Variants in PKD1L1 observed in about 807,000 individuals in gnomAD.
The protein encoded by PKD1L1 is polycystin 1 like 1, transient receptor potential channel interacting.
PKD1L1 carries 236 observed loss-of-function variants against 323.4 expected under a neutral mutation model. The ratio of observed to expected loss-of-function variants is 0.73; its 90% CI spans 0.66 to 0.81. The LOEUF is 0.81. PKD1L1 is among the 40% of genes least tolerant of loss of function. The pLI, the probability that PKD1L1 is intolerant of heterozygous loss-of-function variation, is 0.00. For missense variants in PKD1L1, 3,320 were observed against 3,508.0 expected (o/e 0.95, Z 1.35); for synonymous variants, 1,344 against 1,335.0 (o/e 1.01, Z -0.15).
intron 42 of PKD1L1, 58 bp from the exon 43 acceptor site, chr7:47,830,182 G>A: frequency 7.0e-7 from 1 of 1,431,048 alleles, no homozygotes; most frequent in South Asian, 1.2e-5. Context: ...CCACCCAGCA[G>A]TCATTGCTGC....
Position 47,795,853 on chromosome 7 carries a change from T to C in PKD1L1, c.8355+136A>G. The C allele has an allele frequency of 3.9e-6, 4 of 1,029,372 alleles. No individual in the cohort carries two copies. In the South Asian group the frequency reaches 5.8e-5, roughly 15 times the overall value. 63.8% of individuals were successfully genotyped at this position (1,029,372 alleles called of 1,614,324 possible). On this transcript the variant is annotated intron_variant, in intron 55 of 56. Coordinates refer to ENST00000289672, the MANE Select transcript of PKD1L1 (RefSeq NM_138295.5). ...CCATGAGTTCCACTATGATTGAGAC[T>C]AATTTTGTGGCTTTGCAAGGAGATT...
intron 31 of PKD1L1, among the ~76,000 whole-genome samples, chr7:47,847,392 G>A (rs922632515): frequency 5.9e-5 from 9 of 152,160 alleles, no homozygotes; most frequent in African/African-American, 2.2e-4. Flanking sequence ...TGACCTTAGT[G>A]GGGATGGAAG....
intron 18 of PKD1L1, among the ~76,000 whole-genome samples, chr7:47,884,954 C>T (rs1409152635): frequency 2.6e-5 from 4 of 152,176 alleles, no homozygotes; most frequent in Non-Finnish European, 5.9e-5. Context: ...TGGGTCTCTG[C>T]CACCACACCC....
chr7:47,792,468 C>A (rs1192953615), intron 56 of PKD1L1, among the ~76,000 whole-genome samples, 159 bp downstream of exon 56: 1 of 152,120 alleles, frequency 6.6e-6, no homozygotes, highest in African/African-American at 2.4e-5. Flanking sequence ...TTAAGTGGTT[C>A]TTTAGTTCTG....
intron 8 of PKD1L1, 140 bp from the exon 9 acceptor site, chr7:47,908,390 G>T: frequency 1.2e-6 from 1 of 808,256 alleles, no homozygotes; most frequent in Non-Finnish European, 1.9e-6. Context: ...TCTTGTAGCA[G>T]CAGGGCCATT....
At position 47,905,145 on chromosome 7, in the gene PKD1L1, A is replaced by G; in HGVS notation, c.1691+12T>C. The G allele has an allele frequency of 6.2e-7, 1 of 1,612,194 alleles. No individual in the cohort carries two copies. The highest frequency in any genetic ancestry group is 1.3e-5 in the African/African-American group (1 of 74,962). On this transcript the variant is annotated intron_variant, in intron 11 of 56. Coordinates refer to ENST00000289672, the MANE Select transcript of PKD1L1 (RefSeq NM_138295.5). ...CAAACAGCTACTCAGCAGGACTGCT[A>G]CTTTTACTGACCATTGGGGGATGCT... is the stretch of plus-strand genomic sequence containing the variant.
At chr7:47,851,115 A>T (rs1018959007) in intron 31 of PKD1L1, among the ~76,000 whole-genome samples, 2 of 152,194 alleles carry the variant, frequency 1.3e-5, no homozygotes, top group African/African-American at 4.8e-5. Context: ...ACAGACGTTA[A>T]ATCAGTGACG....
At chr7:47,898,308 T>C in intron 13 of PKD1L1, 114 bp from the exon 14 acceptor site, 1 of 853,150 alleles carries the variant, frequency 1.2e-6, no homozygotes, top group Non-Finnish European at 1.8e-6. Flanking sequence ...GTTTGCATAG[T>C]GACAGAATGG....
intron 56 of PKD1L1, among the ~76,000 whole-genome samples, chr7:47,791,430 A>G (rs17659634): frequency 0.17 from 23,947 of 144,564 alleles, 2,309 homozygotes; most frequent in East Asian, 0.38. Flanking sequence ...GAGTTCTTTC[A>G]TCTTGGCTTC....
chr7:47,799,652 A>G (rs1784618051), intron 54 of PKD1L1, among the ~76,000 whole-genome samples: 1 of 152,286 alleles, frequency 6.6e-6, no homozygotes, highest in South Asian at 2.1e-4. Context: ...GAGAGCTTCT[A>G]GAGGGAACAC....
chr7:47,953,354 G>A (rs552755150), upstream of PKD1L1, among the ~76,000 whole-genome samples: 67 of 151,442 alleles, frequency 4.4e-4, no homozygotes, highest in African/African-American at 1.4e-3. Flanking sequence ...GTGTCCTTTC[G>A]TCTGGAGTGG....
chr7:47,939,990 T>G (rs1787950923), intron 3 of PKD1L1, among the ~76,000 whole-genome samples: 1 of 152,236 alleles, frequency 6.6e-6, no homozygotes, highest in African/African-American at 2.4e-5. Flanking sequence ...GGGCTAGCCC[T>G]GCCTGCACTT....
rs920949165 is a variant in PKD1L1 at position 47,943,517 on chromosome 7, G to A, written c.45-6C>T. ...AGCAGGCAGCCTGGAGACACCTAAGGGAAAGAAAATAACCAGAGGAAAATT... is the reference window on the plus strand; with the variant it reads ...AGCAGGCAGCCTGGAGACACCTAAGAGAAAGAAAATAACCAGAGGAAAATT... On this transcript the variant is annotated splice_polypyrimidine_tract_variant and splice_region_variant and intron_variant, in intron 1 of 56. Transcript: ENST00000289672. The A allele has an allele frequency of 5.0e-6, 8 of 1,608,096 alleles. No homozygotes were observed. Among genetic ancestry groups the A allele is most frequent in the Non-Finnish European group, 6.8e-6 (8 of 1,175,546 alleles).
At chr7:47,906,061 C>T in intron 9 of PKD1L1, 99 bp from the exon 10 acceptor site, 1 of 1,189,590 alleles carries the variant, frequency 8.4e-7, no homozygotes, top group Non-Finnish European at 1.1e-6. Flanking sequence ...TAACTTTCCC[C>T]CTTTGAATCT....
At chr7:47,935,862 G>A (rs1460616550) in intron 4 of PKD1L1, among the ~76,000 whole-genome samples, 3 of 152,212 alleles carry the variant, frequency 2.0e-5, no homozygotes, top group African/African-American at 7.2e-5. Context: ...GCTGTTCTTG[G>A]CAACATTGAT....
intron 51 of PKD1L1, chr7:47,809,234 A>G (rs1416967060): frequency 5.5e-6 from 2 of 363,036 alleles, no homozygotes; most frequent in Admixed American, 4.4e-5. Flanking sequence ...TCTTAGCACC[A>G]TAAGATCTTA....
intron 13 of PKD1L1, among the ~76,000 whole-genome samples, chr7:47,902,058 A>AGAAAAGAAAAGAAAAGAAAAGAAAAG (rs1333758124): frequency 4.1e-5 from 5 of 121,954 alleles, no homozygotes; most frequent in African/African-American, 1.4e-4. Context: ...AGAAAAGAAA[A>AGAAAAGAAAAGAAAAGAAAAGAAAAG]AAAAGAAAAG....
At chr7:47,957,601 TGG>T in the PKD1L1 span, among the ~76,000 whole-genome samples, 1 of 152,096 alleles carries the variant, frequency 6.6e-6, no homozygotes, top group Non-Finnish European at 1.5e-5. Flanking sequence ...CTCAACTCCC[TGG>T]GCTCAACCAA....
upstream of PKD1L1, among the ~76,000 whole-genome samples, chr7:47,952,589 T>C (rs1788219720): frequency 6.6e-6 from 1 of 152,214 alleles, no homozygotes; most frequent in Non-Finnish European, 1.5e-5. Context: ...AATATGCTTC[T>C]GGGCCGTTTT....
Sources: allele counts gnomAD v4.1 joint callset (sites outside exome capture counted in the v4.1 genomes callset), GRCh38; gene constraint gnomAD v4.1.1; transcripts MANE v1.5; gene names NCBI Gene and HGNC (gene_info 2026-07-23, HGNC 2026-07-21).